Variants in ALPK2 observed in about 807,000 individuals in gnomAD.
ALPK2 encodes alpha kinase 2.
A neutral mutation model predicts 163.1 loss-of-function variants in ALPK2; 127 were observed. The ratio of observed to expected loss-of-function variants is 0.78; its 90% CI spans 0.67 to 0.90. ALPK2 has a LOEUF of 0.90. Ranked by LOEUF, ALPK2 falls within the 40% of genes least tolerant of loss-of-function variation. The pLI is 0.00. For missense variants in ALPK2, 2,360 were observed against 2,589.6 expected, an observed-to-expected ratio of 0.91 and a Z score of 1.92; for synonymous variants, 953 against 959.1, an observed-to-expected ratio of 0.99 and a Z score of 0.12.
At chr18:58,486,979 C>A (rs1164004437) in intron 12 of ALPK2, among the ~76,000 whole-genome samples, 1 of 152,200 alleles carries the variant, frequency 6.6e-6, no homozygotes, top group Admixed American at 6.5e-5. Context: ...ATGTGCCACC[C>A]GCTGCCTTGA....
intron 1 of ALPK2, among the ~76,000 whole-genome samples, chr18:58,627,955 G>T (rs1263832604): frequency 6.6e-6 from 1 of 152,198 alleles, no homozygotes; most frequent in Non-Finnish European, 1.5e-5. Context: ...TTAAGGAAAA[G>T]GTTGTGGAAA....
chr18:58,607,105 C>A (rs2052102030), intron 3 of ALPK2, among the ~76,000 whole-genome samples: 2 of 152,236 alleles, frequency 1.3e-5, no homozygotes, highest in Non-Finnish European at 2.9e-5. Flanking sequence ...AGTTTAACTC[C>A]ATTGACAGCA....
chr18:58,554,883 C>T (rs1382234153), intron 4 of ALPK2, among the ~76,000 whole-genome samples: 3 of 152,184 alleles, frequency 2.0e-5, no homozygotes, highest in Non-Finnish European at 4.4e-5. Flanking sequence ...TTTTCCTGTG[C>T]TGTTCTCATG....
At position 58,565,731 on chromosome 18, in the gene ALPK2, G is replaced by GTTCCTTCCTTCC. The variant is rs74183271; in HGVS notation, c.1962+13071_1962+13082dup. ...AAAATTATTGATATTTCTCTTTTTT[G>GTTCCTTCCTTCC]TTCCTTCCTTCCTTCCTTCCTTCCT... is the stretch of plus-strand genomic sequence containing the variant. On this transcript the variant is annotated intron_variant, in intron 4 of 12. Transcript: ENST00000361673. 1.0e-3 allele frequency among the ~76,000 whole-genome samples: 153 copies of GTTCCTTCCTTCC among 145,886 alleles called. 1 individual carries two copies. Among genetic ancestry groups the GTTCCTTCCTTCC allele is most frequent in the African/African-American group, 2.0e-3 (77 of 38,946 alleles).
At chr18:58,559,311 C>T (rs553837799) in intron 4 of ALPK2, among the ~76,000 whole-genome samples, 39 of 152,234 alleles carry the variant, frequency 2.6e-4, no homozygotes, top group African/African-American at 9.4e-4. Context: ...CAGGCAGCTG[C>T]CCGGAACAAA....
chr18:58,531,194 CTAAAG>C (rs1203981785), intron 5 of ALPK2, among the ~76,000 whole-genome samples: 2 of 152,080 alleles, frequency 1.3e-5, no homozygotes, highest in African/African-American at 4.8e-5. Flanking sequence ...GACCCTATCT[CTAAAG>C]TAATAATAAT....
rs770229705 is a variant in ALPK2 at position 58,538,126 on chromosome 18, T to G, written c.2061A>C (p.Thr687=). 14 of 1,613,986 alleles carry G rather than the reference T, an allele frequency of 8.7e-6. No homozygotes were observed. The highest frequency in any genetic ancestry group is 2.7e-5 in the African/African-American group (2 of 74,920). Reference sequence around the variant, plus strand: ...CTCCTAAGTTTGAGAAGGAAATTGTTGTGGTCCCAGTGAATGGGGACTCCT... The same window carrying G: ...CTCCTAAGTTTGAGAAGGAAATTGTGGTGGTCCCAGTGAATGGGGACTCCT... ...AGEESPFTGT[T]TISFSNLGGV... Residue 687 remains threonine (T), a synonymous_variant, in exon 5 of 13, where the codon ACA becomes ACC. Transcript: ENST00000361673.
chr18:58,614,651 T>C lies in ALPK2; in HGVS notation c.-20-2834A>G, dbSNP rs540604459. On this transcript the variant is annotated intron_variant, in intron 1 of 12. Transcript: ENST00000361673. ...CAGCCCAAGGCTGGTCTTGAATTCCTGGGCTCAAGCCATCCTCCCACCTCA... is the reference window on the plus strand; with the variant it reads ...CAGCCCAAGGCTGGTCTTGAATTCCCGGGCTCAAGCCATCCTCCCACCTCA... 6.6e-5 allele frequency among the ~76,000 whole-genome samples: 10 copies of C among 151,780 alleles called. No homozygotes were observed. In the East Asian group the frequency reaches 1.9e-3, roughly 29 times the overall value.
chr18:58,566,901 A>G (rs2051856741), intron 4 of ALPK2, among the ~76,000 whole-genome samples: 1 of 152,170 alleles, frequency 6.6e-6, no homozygotes. Context: ...AATGCCTCTA[A>G]AAGTTGTAGT....
In ALPK2 at chr18:58,583,737, CA is replaced by C. The variant is rs576126970; in HGVS notation, c.228-3190del. Among the ~76,000 whole-genome samples, 532 of 119,590 alleles carry C rather than the reference CA, an allele frequency of 4.4e-3. 3 individuals are homozygous for C. Among genetic ancestry groups the C allele is most frequent in the African/African-American group, 0.014 (427 of 31,358 alleles). The allele number at this position is 119,590 out of a possible 152,430, so 78.5% of individuals were successfully genotyped here. On this transcript the variant is annotated intron_variant, in intron 3 of 12. Coordinates refer to ENST00000361673, the MANE Select transcript of ALPK2 (RefSeq NM_052947.4). ...TGGATGGCAGAGCAAGACTTTGTCT[CA>C]AAAAAAAAAAAAAAAAGAAAGAAAG...
rs75959956 is a variant in ALPK2 at position 58,582,947 on chromosome 18, T to C, written c.228-2399A>G. 1.5e-3 allele frequency among the ~76,000 whole-genome samples: 233 copies of C among 152,242 alleles called. 1 individual carries two copies. The highest frequency in any genetic ancestry group is 5.5e-3 in the African/African-American group (230 of 41,552). ...TGGGTTGTGGAAGCCAAGGTTCTTG[T>C]ATGTAGAGGCAGCCCCTAAGTAGCA... On this transcript the variant is annotated intron_variant, in intron 3 of 12. Coordinates refer to ENST00000361673, the MANE Select transcript of ALPK2 (RefSeq NM_052947.4).
intron 12 of ALPK2, among the ~76,000 whole-genome samples, chr18:58,493,433 G>C (rs4545902): frequency 0.67 from 101,862 of 151,678 alleles, 34,826 homozygotes; most frequent in Middle Eastern, 0.77. Context: ...TTGTTTTGGC[G>C]CTTCCTCTCC....
chr18:58,605,939 T>G (rs1020689729), intron 3 of ALPK2, among the ~76,000 whole-genome samples: 3 of 152,266 alleles, frequency 2.0e-5, no homozygotes, highest in African/African-American at 7.2e-5. Flanking sequence ...GCTTGGCATA[T>G]GTAGGTGCCT....
intron 5 of ALPK2, among the ~76,000 whole-genome samples, chr18:58,530,993 G>C (rs1396788451): frequency 6.6e-6 from 1 of 152,086 alleles, no homozygotes; most frequent in Non-Finnish European, 1.5e-5. Flanking sequence ...CTGAGGCCAG[G>C]AGTTGGAGAC....
Position 58,579,684 on chromosome 18 carries a change from C to T in ALPK2, c.1092G>A (p.Met364Ile). ...CACCCAGGCAATGCTCACCGAATTC[C>T]ATCTCTTCGTCATCGCTTTCTAATA... ...VFLLESDDEEMEFGEHCLGGC... is the reference protein window; with the variant it reads ...VFLLESDDEEIEFGEHCLGGC... Residue 364 changes from methionine (M) to isoleucine (I), a missense_variant, in exon 4 of 13, where the codon ATG (methionine) becomes ATA (isoleucine). Physicochemically the swap from Met to Ile is conservative, Grantham distance 10 (BLOSUM62 1). Transcript: ENST00000361673. The T allele has an allele frequency of 6.2e-7, 1 of 1,614,134 alleles. No individual in the cohort carries two copies.
In ALPK2 at chr18:58,563,757, C is replaced by A. The variant is rs575503826; in HGVS notation, c.1962+15057G>T. 2.6e-5 allele frequency among the ~76,000 whole-genome samples: 4 copies of A among 152,270 alleles called. No individual in the cohort carries two copies. The East Asian group carries it at 7.7e-4, about 29-fold the overall frequency. On this transcript the variant is annotated intron_variant, in intron 4 of 12. Coordinates refer to ENST00000361673, the MANE Select transcript of ALPK2 (RefSeq NM_052947.4). ...TGTACCATAATATATTTTACCATTC[C>A]TCCATTGTTAGATTGTTCTCAGTGT...
chr18:58,490,706 A>G (rs189788216), intron 12 of ALPK2, among the ~76,000 whole-genome samples: 13 of 152,150 alleles, frequency 8.5e-5, no homozygotes, highest in African/African-American at 3.1e-4. Context: ...CCCACCTTCA[A>G]TGAGTCTGGT....
intron 5 of ALPK2, among the ~76,000 whole-genome samples, chr18:58,530,358 TGA>T (rs1328572430): frequency 2.0e-5 from 3 of 151,982 alleles, no homozygotes; most frequent in African/African-American, 4.8e-5. Flanking sequence ...AGTGGATAAT[TGA>T]GAGAGAGAGA....
intron 1 of ALPK2, among the ~76,000 whole-genome samples, chr18:58,617,672 TA>T (rs2052177398): frequency 6.6e-6 from 1 of 152,220 alleles, no homozygotes; most frequent in South Asian, 2.1e-4. Context: ...ATTACACATA[TA>T]ATCATCTAAA....
Sources: gnomAD v4.1 joint callset for allele counts (sites outside exome capture counted in the v4.1 genomes callset) on GRCh38, gnomAD v4.1.1 for gene constraint, MANE v1.5 for transcripts, NCBI Gene and HGNC (gene_info 2026-07-23, HGNC 2026-07-21) for gene names.